Variants in PID1 observed in about 807,000 individuals in gnomAD.
PID1 encodes the protein phosphotyrosine interaction domain containing 1.
In PID1, 10 loss-of-function variants were observed where a neutral mutation model predicts 19.1. The observed-to-expected ratio is 0.52, with a 90% CI of 0.32 to 0.89. The LOEUF (loss-of-function observed/expected upper bound fraction) is 0.89. PID1 is among the 40% of genes least tolerant of loss of function. The probability of loss-of-function intolerance (pLI) is 0.03; values close to 1 mark genes in which losing one functional copy is unlikely to be tolerated. For synonymous variants in PID1, 130 were observed against 116.0 expected (o/e 1.12, Z -0.78); for missense variants, 248 against 285.3 (o/e 0.87, Z 0.94).
At chr2:229,154,418 C>A (rs1220663501) in intron 2 of PID1, among the ~76,000 whole-genome samples, 1 of 152,138 alleles carries the variant, frequency 6.6e-6, no homozygotes. Flanking sequence ...AGGTTCTTCA[C>A]AAATTGGATT....
At chr2:229,059,411 C>CATA (rs1694166887) in intron 2 of PID1, among the ~76,000 whole-genome samples, 2 of 152,220 alleles carry the variant, frequency 1.3e-5, no homozygotes, top group East Asian at 3.9e-4. Flanking sequence ...CTATTATGTG[C>CATA]TAGGCACAAG....
At chr2:229,210,525 C>CA (rs1170895327) in intron 1 of PID1, among the ~76,000 whole-genome samples, 4,293 of 15,448 alleles carry the variant, frequency 0.28, 1,208 homozygotes, top group Non-Finnish European at 0.31. Flanking sequence ...AGTTTTGTCT[C>CA]AAAAAAAAAA....
At chr2:229,132,652 TTAACA>T (rs1224828698) in intron 2 of PID1, among the ~76,000 whole-genome samples, 3 of 152,242 alleles carry the variant, frequency 2.0e-5, no homozygotes, top group Non-Finnish European at 4.4e-5. Context: ...GGAGCATTAA[TTAACA>T]TATTACACAG....
chr2:229,088,892 A>G (rs1421375938), intron 2 of PID1, among the ~76,000 whole-genome samples: 2 of 152,186 alleles, frequency 1.3e-5, no homozygotes, highest in African/African-American at 2.4e-5. Flanking sequence ...AAAGCTACAC[A>G]GTAGCTTATA....
chr2:229,198,759 A>G (rs528316131), intron 1 of PID1, among the ~76,000 whole-genome samples: 1 of 152,148 alleles, frequency 6.6e-6, no homozygotes, highest in African/African-American at 2.4e-5. Flanking sequence ...ACATATTGCA[A>G]ATGCAACCAC....
chr2:229,125,814 G>A (rs1431858760), intron 2 of PID1, among the ~76,000 whole-genome samples: 1 of 152,232 alleles, frequency 6.6e-6, no homozygotes, highest in East Asian at 1.9e-4. Context: ...ATGCTTGTGG[G>A]AGCCTAGCCT....
chr2:229,251,944 T>TAAAAAAAAAAAAAAAAAAA (rs11284650), intron 1 of PID1, among the ~76,000 whole-genome samples: 1 of 71,474 alleles, frequency 1.4e-5, no homozygotes, highest in Non-Finnish European at 2.9e-5. Context: ...AACCATAAGC[T>TAAAAAAAAAAAAAAAAAAA]AAAAAAAAAA....
chr2:229,052,871 T>C (rs1694023899), intron 2 of PID1, among the ~76,000 whole-genome samples: 1 of 152,206 alleles, frequency 6.6e-6, no homozygotes, highest in South Asian at 2.1e-4. Context: ...TTTGAGTCAT[T>C]TGAAAGTTTC....
At chr2:229,181,974 GA>G (rs1690955586) in intron 1 of PID1, among the ~76,000 whole-genome samples, 1 of 152,210 alleles carries the variant, frequency 6.6e-6, no homozygotes, top group Non-Finnish European at 1.5e-5. Context: ...CATACTGTAT[GA>G]TTCCAATTAT....
chr2:229,089,434 T>C (rs2106217721), intron 2 of PID1, among the ~76,000 whole-genome samples: 1 of 152,300 alleles, frequency 6.6e-6, no homozygotes, highest in South Asian at 2.1e-4. Context: ...TAGACTCCTT[T>C]AAAAGGAAAA....
At position 229,226,683 on chromosome 2, in the gene PID1, G is replaced by A. The variant is rs115279297; in HGVS notation, c.30+44331C>T. 2.2e-3 allele frequency among the ~76,000 whole-genome samples: 342 copies of A among 152,272 alleles called. 4 individuals carry two copies. Among genetic ancestry groups the A allele is most frequent in the African/African-American group, 7.6e-3 (316 of 41,530 alleles). On this transcript the variant is annotated intron_variant, in intron 1 of 2. Transcript: ENST00000392055. Reference sequence around the variant, plus strand: ...AGGAAATCAGAGCCTGGAAGGACTCGTGATACTGAAAGTTCCCTGATCTCC... The same window carrying A: ...AGGAAATCAGAGCCTGGAAGGACTCATGATACTGAAAGTTCCCTGATCTCC...
intron 2 of PID1, among the ~76,000 whole-genome samples, chr2:229,102,907 C>G (rs1695103005): frequency 6.6e-6 from 1 of 152,224 alleles, no homozygotes; most frequent in East Asian, 1.9e-4. Flanking sequence ...GGTACTAAAG[C>G]CTCAAAGTCC....
chr2:229,198,318 T>G (rs1366635444), intron 1 of PID1, among the ~76,000 whole-genome samples: 1 of 152,072 alleles, frequency 6.6e-6, no homozygotes, highest in African/African-American at 2.4e-5. Flanking sequence ...TCTCAACATC[T>G]ACCCTCAGAA....
chr2:229,255,264 G>C (rs551251092), intron 1 of PID1, among the ~76,000 whole-genome samples: 2 of 152,128 alleles, frequency 1.3e-5, no homozygotes, highest in African/African-American at 4.8e-5. Flanking sequence ...TGTGTGAGTC[G>C]ATTCCAAGTA....
In PID1 at chr2:229,271,265, TGGCGCAGC is replaced by T. The variant is rs1690732471; in HGVS notation, c.-230_-223del. On this transcript the variant is annotated 5_prime_UTR_variant, in exon 1 of 3. Transcript: ENST00000392055. ...GGGCACGGCCGCGCGCCGGCTGTCCTGGCGCAGCTGCGAGAGGACTGCGCAGCTCCGCC... is the reference window on the plus strand; with the variant it reads ...GGGCACGGCCGCGCGCCGGCTGTCCTTGCGAGAGGACTGCGCAGCTCCGCC... 2.6e-6 allele frequency: 1 copy of T among 391,282 alleles called. No individual in the cohort carries two copies. Among genetic ancestry groups the T allele is most frequent in the African/African-American group, 2.2e-5 (1 of 46,016 alleles). The allele number at this position is 391,282 out of a possible 1,614,324, so 24.2% of individuals were successfully genotyped here.
chr2:229,239,100 C>A (rs1263494639), intron 1 of PID1, among the ~76,000 whole-genome samples: 2 of 151,984 alleles, frequency 1.3e-5, no homozygotes, highest in Non-Finnish European at 2.9e-5. Context: ...TTTTTTCTTA[C>A]TATAGAGAAC....
intron 2 of PID1, among the ~76,000 whole-genome samples, chr2:229,114,113 T>TTC (rs59302884): frequency 0.018 from 2,559 of 138,938 alleles, 26 homozygotes; most frequent in Middle Eastern, 0.042. Flanking sequence ...CTCTCTCTCT[T>TTC]TCTCTCTCTC....
chr2:229,163,747 C>G (rs762231945), intron 1 of PID1, among the ~76,000 whole-genome samples: 1 of 151,788 alleles, frequency 6.6e-6, no homozygotes, highest in African/African-American at 2.4e-5. Context: ...CACACACACA[C>G]GCACACACAC....
intron 1 of PID1, among the ~76,000 whole-genome samples, chr2:229,172,144 A>C (rs1204487555): frequency 6.6e-6 from 1 of 152,188 alleles, no homozygotes; most frequent in Non-Finnish European, 1.5e-5. Context: ...AAAGCATTCC[A>C]ATGAGGAAAG....
Sources: allele counts gnomAD v4.1 joint callset (sites outside exome capture counted in the v4.1 genomes callset), GRCh38; gene constraint gnomAD v4.1.1; transcripts MANE v1.5; gene names NCBI Gene and HGNC (gene_info 2026-07-23, HGNC 2026-07-21).